Variants in NBPF3 observed in about 807,000 individuals in gnomAD.
NBPF3 encodes NBPF member 3, also known as NBPF family member NBPF3.
NBPF3 carries 57 observed loss-of-function variants against 78.1 expected under a neutral mutation model. That is an observed-to-expected ratio of 0.73 (90% CI 0.59 to 0.91). The LOEUF is 0.91. NBPF3 is among the 40% of genes least tolerant of loss of function. The pLI, the probability that NBPF3 is intolerant of heterozygous loss-of-function variation, is 0.00. For synonymous variants in NBPF3, 182 were observed against 271.7 expected (o/e 0.67, Z 3.25); for missense variants, 510 against 715.3 (o/e 0.71, Z 3.27).
intron 2 of NBPF3, among the ~76,000 whole-genome samples, chr1:21,464,152 A>G (rs1341935466): frequency 6.6e-6 from 1 of 152,248 alleles, no homozygotes; most frequent in Non-Finnish European, 1.5e-5. Flanking sequence ...ACAGGTGTTC[A>G]CTCAAAAACC....
intron 1 of NBPF3, among the ~76,000 whole-genome samples, chr1:21,444,631 C>G (rs1640855365): frequency 6.6e-6 from 1 of 152,194 alleles, no homozygotes; most frequent in Non-Finnish European, 1.5e-5. Flanking sequence ...TAACTCAAGG[C>G]TCAAGGAATC....
chr1:21,468,945 T>C (rs1642437391), intron 3 of NBPF3, 48 bp downstream of exon 3: 2 of 1,403,162 alleles, frequency 1.4e-6, no homozygotes, highest in African/African-American at 2.8e-5. Flanking sequence ...TGATGTCCTG[T>C]CTTCTCGCTG....
At chr1:21,439,549 C>A (rs1160397905), upstream of NBPF3, among the ~76,000 whole-genome samples, 14 of 151,928 alleles carry the variant, frequency 9.2e-5, no homozygotes, top group Non-Finnish European at 2.1e-4. Context: ...TGGAAGGATT[C>A]ACAGGAACAG....
At position 21,484,797 on chromosome 1, in the gene NBPF3, G is replaced by A. The variant is rs1296475752; in HGVS notation, c.*1411G>A. 9.9e-5 allele frequency: 6 copies of A among 60,348 alleles called. 3 individuals are homozygous for A. The East Asian group carries it at 3.8e-3, about 38-fold the overall frequency. The allele number at this position is 60,348 out of a possible 1,614,324, so 3.7% of individuals were successfully genotyped here. On this transcript the variant is annotated 3_prime_UTR_variant, in exon 15 of 15. Transcript: ENST00000318249. ...CTGCCTCAATGTTTACTGTGCCTTT[G>A]TTTTTGCTAGTGTGTGTTGTTGAAA...
chr1:21,474,810 T>TA, intron 7 of NBPF3, 90 bp from the exon 8 acceptor site: 1 of 1,203,866 alleles, frequency 8.3e-7, no homozygotes, highest in East Asian at 2.6e-5. Context: ...TGAGAATAGT[T>TA]ATGTCCTTGT....
upstream of NBPF3, among the ~76,000 whole-genome samples, chr1:21,438,302 G>A (rs1312647966): frequency 6.6e-6 from 1 of 150,418 alleles, no homozygotes; most frequent in East Asian, 2.0e-4. Flanking sequence ...TAGTAGAGAC[G>A]GGGGTTTCAC....
In NBPF3 at chr1:21,440,183, TGGGTA is replaced by T. The variant is rs2147879334; in HGVS notation, c.-302_-298del. ...GGTTGAGACAGCGGCGGTACTGGGA[TGGGTA>T]GGTGAGGATCCCGAGACTGAGTGAG... On this transcript the variant is annotated 5_prime_UTR_variant, in exon 1 of 15. The change abolishes the stop of an existing upstream ORF in the 5' untranslated region. Coordinates refer to ENST00000318249, the MANE Select transcript of NBPF3 (RefSeq NM_032264.6). 1 of 151,342 alleles carries T rather than the reference TGGGTA, an allele frequency of 6.6e-6. No individual in the cohort carries two copies. Among genetic ancestry groups the T allele is most frequent in the South Asian group, 2.1e-4 (1 of 4,824 alleles). The allele number at this position is 151,342 out of a possible 1,614,324, so 9.4% of individuals were successfully genotyped here. A position where few individuals can be genotyped will look rare whatever the true frequency, so the allele number is the denominator to read the frequency against.
rs1454232991 is a variant in NBPF3, at chr1:21,460,983, TAAG to T, written c.134-7700_134-7698del. Among the ~76,000 whole-genome samples, 3 of 152,288 alleles carry T rather than the reference TAAG, an allele frequency of 2.0e-5. No individual in the cohort carries two copies. In the East Asian group the frequency reaches 5.8e-4, roughly 29 times the overall value. ...TAAAATTTTGAGAAGATATTTTCCA[TAAG>T]AAGATATCTTACTGAACATTAGGCA... On this transcript the variant is annotated intron_variant, in intron 2 of 14. Transcript: ENST00000318249. This position sits in a 1 kb window ranked among gnomAD's most constrained non-coding sequence, Gnocchi z 4.2.
chr1:21,445,460 C>T (rs960949482), intron 2 of NBPF3, among the ~76,000 whole-genome samples: 7 of 152,206 alleles, frequency 4.6e-5, no homozygotes, highest in African/African-American at 1.7e-4. Context: ...ACAGTGTTCT[C>T]TCCAGGACTT....
chr1:21,478,405 C>G (rs1643000406), intron 9 of NBPF3, 98 bp downstream of exon 9: 8 of 1,329,158 alleles, frequency 6.0e-6, no homozygotes, highest in Non-Finnish European at 7.6e-6. Context: ...CTGAGAGTTG[C>G]CATCACTGTG....
At chr1:21,437,503 G>T, upstream of NBPF3, 1 of 1,451,076 alleles carries the variant, frequency 6.9e-7, no homozygotes, top group Non-Finnish European at 9.3e-7. Flanking sequence ...AGGTGCAGCG[G>T]CTGCGGAGAG....
At chr1:21,448,142 GGC>G (rs978103491) in intron 2 of NBPF3, among the ~76,000 whole-genome samples, 8 of 151,910 alleles carry the variant, frequency 5.3e-5, no homozygotes, top group African/African-American at 1.9e-4. Flanking sequence ...ATTTTAATGA[GGC>G]TCAACTTAAT....
chr1:21,448,889 C>CT (rs1412542391), intron 2 of NBPF3, among the ~76,000 whole-genome samples: 1 of 152,140 alleles, frequency 6.6e-6, no homozygotes, highest in Non-Finnish European at 1.5e-5. Flanking sequence ...GTTTGTTCAG[C>CT]TTTTTTCTAG....
intron 2 of NBPF3, among the ~76,000 whole-genome samples, chr1:21,467,762 G>A (rs1401883331): frequency 6.6e-6 from 1 of 152,200 alleles, no homozygotes; most frequent in Admixed American, 6.5e-5. Context: ...CTTGAAAAGA[G>A]CTCTTGTGAT....
chr1:21,458,573 A>C (rs1641771439), intron 2 of NBPF3, among the ~76,000 whole-genome samples: 1 of 152,228 alleles, frequency 6.6e-6, no homozygotes, highest in Admixed American at 6.5e-5. Context: ...ACACAAAGGA[A>C]TACTACTCAG....
In NBPF3 at chr1:21,449,842, C is replaced by A. The variant is rs12565322; in HGVS notation, c.133+4623C>A. On this transcript the variant is annotated intron_variant, in intron 2 of 14. Transcript: ENST00000318249. Reference sequence around the variant, plus strand: ...CACTCCTCGCATGCCTGAAATACCCCTCATTGTCTTCTTCAGGTGGCAAGG... The same window carrying A: ...CACTCCTCGCATGCCTGAAATACCCATCATTGTCTTCTTCAGGTGGCAAGG... The A allele has an allele frequency of 5.9e-3, 3,404 of 578,786 alleles. 126 individuals are homozygous for A. In the East Asian group the frequency reaches 0.17, roughly 29 times the overall value. 35.9% of individuals were successfully genotyped at this position (578,786 alleles called of 1,614,324 possible).
rs559063314 is a variant in NBPF3 at position 21,460,255 on chromosome 1, G to T, written c.134-8433G>T. 1.1e-4 allele frequency among the ~76,000 whole-genome samples: 16 copies of T among 152,288 alleles called. No individual in the cohort carries two copies. The highest frequency in any genetic ancestry group is 2.1e-4 in the Non-Finnish European group (14 of 68,030). On this transcript the variant is annotated intron_variant, in intron 2 of 14. Transcript: ENST00000318249. This position sits in a 1 kb window ranked among gnomAD's most constrained non-coding sequence, Gnocchi z 4.2. ...TATATTTATTATACTTTAAGTTCTA[G>T]GATACTTGTGCACAACGTGCAGGTT... is the stretch of plus-strand genomic sequence containing the variant.
chr1:21,479,792 ATCTCTCTCTC>A (rs374091070), intron 10 of NBPF3, among the ~76,000 whole-genome samples: 3 of 81,120 alleles, frequency 3.7e-5, no homozygotes, highest in African/African-American at 1.1e-4. Flanking sequence ...TGAGCTCACT[ATCTCTCTCTC>A]TCTCTCTCTC....
chr1:21,468,281 C>T (rs941483039), intron 2 of NBPF3: 19 of 565,038 alleles, frequency 3.4e-5, no homozygotes, highest in South Asian at 1.5e-4. Context: ...CAAGGGTACA[C>T]GAACACTGAG....
Sources: allele counts gnomAD v4.1 joint callset (sites outside exome capture counted in the v4.1 genomes callset), GRCh38; gene constraint gnomAD v4.1.1; non-coding constraint Gnocchi (gnomAD v3.1); transcripts MANE v1.5; gene names NCBI Gene and HGNC (gene_info 2026-07-23, HGNC 2026-07-21).